Variants in DOCK7 observed in about 807,000 individuals in gnomAD.
DOCK7 encodes the protein dedicator of cytokinesis 7.
In DOCK7, 138 loss-of-function variants were observed where a neutral mutation model predicts 271.0. That is an observed-to-expected ratio of 0.51 (90% CI 0.44 to 0.59). DOCK7 has a LOEUF of 0.59. DOCK7 is among the 20% of genes least tolerant of loss of function. The pLI is 0.00. For missense variants in DOCK7, 2,066 were observed against 2,592.4 expected, an observed-to-expected ratio of 0.80 and a Z score of 4.41; for synonymous variants, 823 against 876.1, an observed-to-expected ratio of 0.94 and a Z score of 1.07.
chr1:62,598,454 G>C (rs1166257495), intron 14 of DOCK7, among the ~76,000 whole-genome samples: 1 of 151,948 alleles, frequency 6.6e-6, no homozygotes, highest in Non-Finnish European at 1.5e-5. Flanking sequence ...ATGAAAATAT[G>C]CTGGGCTTTT....
intron 31 of DOCK7, 64 bp downstream of exon 31, chr1:62,528,087 G>T: frequency 1.3e-6 from 2 of 1,499,716 alleles, no homozygotes; most frequent in South Asian, 1.3e-5. Context: ...ATATATTTAA[G>T]GGCATATCCT....
At chr1:62,544,651 C>T (rs898268272) in intron 23 of DOCK7, among the ~76,000 whole-genome samples, 8 of 152,046 alleles carry the variant, frequency 5.3e-5, no homozygotes, top group Non-Finnish European at 1.2e-4. Context: ...GACGTGCTAC[C>T]CCTAAAGAAG....
intron 7 of DOCK7, among the ~76,000 whole-genome samples, chr1:62,638,625 T>A (rs928058319): frequency 2.5e-4 from 38 of 149,116 alleles, no homozygotes; most frequent in East Asian, 1.2e-3. Context: ...GAATATATAT[T>A]TTCATGAATA....
intron 48 of DOCK7, among the ~76,000 whole-genome samples, chr1:62,471,956 T>C (rs1206240839): frequency 6.6e-6 from 1 of 152,166 alleles, no homozygotes; most frequent in Admixed American, 6.5e-5. Flanking sequence ...GTATGACTAT[T>C]GTAAAATACA....
At chr1:62,657,471 A>G (rs79083348) in intron 2 of DOCK7, among the ~76,000 whole-genome samples, 2 of 152,226 alleles carry the variant, frequency 1.3e-5, no homozygotes, top group Non-Finnish European at 2.9e-5. Flanking sequence ...AATTAACAAC[A>G]TAAGACCCAA....
At chr1:62,630,887 T>A (rs758124565) in intron 11 of DOCK7, among the ~76,000 whole-genome samples, 1 of 151,938 alleles carries the variant, frequency 6.6e-6, no homozygotes, top group African/African-American at 2.4e-5. Flanking sequence ...GAAACAAGCT[T>A]ATATAAGAAA....
intron 2 of DOCK7, among the ~76,000 whole-genome samples, chr1:62,655,342 A>C (rs144918428): frequency 6.6e-4 from 101 of 152,316 alleles, no homozygotes; most frequent in African/African-American, 2.4e-3. Context: ...AAAACACTGA[A>C]ACCTGCCTCT....
intron 43 of DOCK7, 131 bp downstream of exon 43, chr1:62,487,267 G>T: frequency 1.2e-6 from 1 of 819,830 alleles, no homozygotes; most frequent in Non-Finnish European, 2.0e-6. Flanking sequence ...AAATTTCTTT[G>T]GTTAATGAAT....
At position 62,493,674 on chromosome 1, in the gene DOCK7, G is replaced by A. The variant is rs150886801; in HGVS notation, c.5217+601C>T. ...CATTCAACTTTGTTTTCCGAGAAAC[G>A]ATAACTTTCTTTTTGCATTCTGATT... On this transcript the variant is annotated intron_variant, in intron 40 of 49. Coordinates refer to ENST00000635253, the MANE Select transcript of DOCK7 (RefSeq NM_001367561.1). 8.1e-4 allele frequency among the ~76,000 whole-genome samples: 124 copies of A among 152,150 alleles called. 2 individuals are homozygous for A. The highest frequency in any genetic ancestry group is 2.7e-3 in the African/African-American group (112 of 41,496).
At chr1:62,688,196 G>A in intron 1 of DOCK7, 31 bp downstream of exon 1, 1 of 1,365,868 alleles carries the variant, frequency 7.3e-7, no homozygotes, top group South Asian at 1.7e-5. Flanking sequence ...CTCGGGCGGC[G>A]GCGGCGGCGC....
At chr1:62,468,920 G>A (rs955826860) in intron 48 of DOCK7, among the ~76,000 whole-genome samples, 5 of 152,070 alleles carry the variant, frequency 3.3e-5, no homozygotes, top group Admixed American at 1.3e-4. Flanking sequence ...CTAAATCACA[G>A]ACGACACTAA....
chr1:62,598,211 C>A, intron 14 of DOCK7: 1 of 864,180 alleles, frequency 1.2e-6, no homozygotes, highest in Non-Finnish European at 1.6e-6. Flanking sequence ...AATAAAATTT[C>A]CTATTATAAT....
chr1:62,478,196 A>C (rs146881353), intron 43 of DOCK7: 155 of 161,434 alleles, frequency 9.6e-4, no homozygotes, highest in African/African-American at 3.2e-3. Flanking sequence ...AATTGTACTG[A>C]TACTAGAGCA....
chr1:62,585,111 CA>C (rs1393561474), intron 15 of DOCK7, among the ~76,000 whole-genome samples: 6 of 151,374 alleles, frequency 4.0e-5, no homozygotes, highest in African/African-American at 1.5e-4. Context: ...ATGTGAATTC[CA>C]AATCTCAAAA....
At chr1:62,627,350 T>G (rs1419802700) in intron 11 of DOCK7, among the ~76,000 whole-genome samples, 1 of 152,118 alleles carries the variant, frequency 6.6e-6, no homozygotes, top group African/African-American at 2.4e-5. Flanking sequence ...CTCTTGTCAT[T>G]TCTAAAACAT....
intron 34 of DOCK7, 147 bp downstream of exon 34, chr1:62,510,430 T>C: frequency 2.0e-6 from 1 of 498,670 alleles, no homozygotes; most frequent in South Asian, 8.9e-5. Flanking sequence ...TCTAAAATTT[T>C]TAAATTAAAT....
In DOCK7 at chr1:62,634,834, A is replaced by G; in HGVS notation, c.974T>C (p.Leu325Pro). Residue 325 changes from leucine to proline, a missense_variant, in exon 9 of 50, where the codon CTG (leucine) becomes CCG (proline). By Grantham distance (98) the Leu-to-Pro change is moderately conservative. Transcript: ENST00000635253. The stretch of plus-strand genomic sequence containing the variant: ...GATAGAAAAAATTGCTGATCTTGCC[A>G]GGGTAGTAATGGCAGCAGGTGGTAC... ...PHVPPAAITT[L>P]ARSAIFSITY... 2.5e-6 allele frequency: 4 copies of G among 1,613,520 alleles called. No homozygotes were observed. The highest frequency in any genetic ancestry group is 3.4e-6 in the Non-Finnish European group (4 of 1,179,622).
intron 29 of DOCK7, 89 bp downstream of exon 29, chr1:62,535,404 C>T: frequency 8.8e-7 from 1 of 1,134,886 alleles, no homozygotes; most frequent in Non-Finnish European, 1.3e-6. Context: ...AGATTATTCT[C>T]CTAATCCTCA....
At chr1:62,620,024 G>C (rs765506436) in intron 12 of DOCK7, 31 bp from the exon 13 acceptor site, 46 of 1,572,342 alleles carry the variant, frequency 2.9e-5, no homozygotes, top group Non-Finnish European at 3.9e-5. Context: ...AAAAGTATTT[G>C]ATAAAACAAA....
Sources: gnomAD v4.1 joint callset for allele counts (sites outside exome capture counted in the v4.1 genomes callset) on GRCh38, gnomAD v4.1.1 for gene constraint, MANE v1.5 for transcripts, NCBI Gene and HGNC (gene_info 2026-07-23, HGNC 2026-07-21) for gene names.